PTPRQ: variants seen among roughly 807,000 people sequenced by gnomAD.
The protein encoded by PTPRQ is phosphatidylinositol phosphatase PTPRQ.
Under a neutral mutation model 246.0 loss-of-function variants are expected in PTPRQ, and 199 were observed. The observed-to-expected ratio is 0.81, with a 90% CI of 0.72 to 0.91. The LOEUF is 0.91. PTPRQ is among the 40% of genes least tolerant of loss of function. The pLI is 0.00. For synonymous variants in PTPRQ, 869 were observed against 853.2 expected (o/e 1.02, Z -0.32); for missense variants, 2,624 against 2,528.4 (o/e 1.04, Z -0.81).
intron 25 of PTPRQ, among the ~76,000 whole-genome samples, chr12:80,552,582 G>A (rs538212764): frequency 7.3e-5 from 10 of 136,992 alleles, no homozygotes; most frequent in East Asian, 2.2e-4. Context: ...AATCCAAATC[G>A]CAATGTGCAC....
At chr12:80,574,053 T>A (rs1897221219) in intron 25 of PTPRQ, among the ~76,000 whole-genome samples, 1 of 152,170 alleles carries the variant, frequency 6.6e-6, no homozygotes, top group Non-Finnish European at 1.5e-5. Flanking sequence ...CAGGTTTGCT[T>A]CATGTAGTTT....
chr12:80,484,165 C>T (rs1211390815), intron 8 of PTPRQ, among the ~76,000 whole-genome samples: 2 of 151,868 alleles, frequency 1.3e-5, no homozygotes, highest in African/African-American at 2.4e-5. Context: ...ACCACCATGC[C>T]TGGCTTATTT....
chr12:80,549,568 T>C lies in PTPRQ; in HGVS notation c.4119T>C (p.Tyr1373=), dbSNP rs1435153844. 1 of 1,551,076 alleles carries C rather than the reference T, an allele frequency of 6.4e-7. No individual in the cohort carries two copies. The highest frequency in any genetic ancestry group is 8.7e-7 in the Non-Finnish European group (1 of 1,146,616). The change falls in exon 25 of 45, where the codon TAT becomes TAC. Residue 1373 remains tyrosine, a synonymous_variant. Transcript: ENST00000644991. The part of the protein sequence containing the change: ...PKKANGIITQ[Y]MVTVERNSTK... ...AGGCAAATGGAATAATAACGCAGTATATGGTAACAGTTGAAAGGAATTCTA... is the reference window on the plus strand; with the variant it reads ...AGGCAAATGGAATAATAACGCAGTACATGGTAACAGTTGAAAGGAATTCTA...
chr12:80,587,181 G>T (rs1374381636), intron 25 of PTPRQ, among the ~76,000 whole-genome samples: 4 of 152,048 alleles, frequency 2.6e-5, no homozygotes, highest in Non-Finnish European at 4.4e-5. Flanking sequence ...GATATTTATT[G>T]AATGTTGAAT....
intron 14 of PTPRQ, among the ~76,000 whole-genome samples, chr12:80,503,538 A>G (rs1257827964): frequency 1.3e-5 from 2 of 151,830 alleles, no homozygotes; most frequent in Non-Finnish European, 2.9e-5. Context: ...TATTATTAGT[A>G]ATTTTTATAT....
At chr12:80,659,972 A>G (rs1900575107) in intron 39 of PTPRQ, among the ~76,000 whole-genome samples, 1 of 152,026 alleles carries the variant, frequency 6.6e-6, no homozygotes, top group African/African-American at 2.4e-5. Context: ...TAGCAATGAT[A>G]CTGCAGTGGC....
intron 25 of PTPRQ, chr12:80,583,944 T>C (rs1427480411): frequency 4.6e-5 from 7 of 152,184 alleles, no homozygotes; most frequent in Admixed American, 4.6e-4. Flanking sequence ...ATGTTCTGTG[T>C]TCCTTATCAT....
chr12:80,542,963 G>A (rs1896199306), intron 23 of PTPRQ, 82 bp downstream of exon 23: 2 of 945,278 alleles, frequency 2.1e-6, no homozygotes, highest in East Asian at 3.1e-5. Flanking sequence ...GAGGAAAATG[G>A]ACTACTAAAT....
chr12:80,556,663 T>C, intron 25 of PTPRQ, among the ~76,000 whole-genome samples: 1 of 152,158 alleles, frequency 6.6e-6, no homozygotes, highest in East Asian at 1.9e-4. Context: ...TGGAAATATC[T>C]TGGATGGTTA....
rs1040836313 is a variant in PTPRQ, at chr12:80,613,726, G to T, written c.5053G>T (p.Asp1685Tyr). ...QVYQALVYREDDPTAVQIHNL... is the reference protein window; with the variant it reads ...QVYQALVYREYDPTAVQIHNL... The stretch of plus-strand genomic sequence containing the variant: ...ATATCAAGCTCTGGTTTACCGAGAA[G>T]ATGATCCTACTGCTGTCCAGATTCA... The change falls in exon 29 of 45, where the codon GAT (aspartate) becomes TAT (tyrosine). Residue 1685 changes from aspartate to tyrosine, a missense_variant. By Grantham distance (160) the Asp-to-Tyr change is radical (BLOSUM62 -3). Transcript: ENST00000644991. The T allele has an allele frequency of 1.6e-5, 25 of 1,546,034 alleles. No individual in the cohort carries two copies. In the African/African-American group the frequency reaches 3.2e-4, roughly 20 times the overall value.
Position 80,542,141 on chromosome 12 carries a change from A to T in PTPRQ, c.3498A>T (p.Ser1166=), listed in dbSNP as rs1193423635. 1.3e-6 allele frequency: 2 copies of T among 1,550,864 alleles called. No homozygotes were observed. Among genetic ancestry groups the T allele is most frequent in the Non-Finnish European group, 1.7e-6 (2 of 1,146,650 alleles). ...CTTTTAAAAACCTTTCCTCTACCTC[A>T]GTTCTCTTATCATGGGATCCCCCAG... The part of the protein sequence containing the change: ...INTFKNLSST[S]VLLSWDPPVK... The change falls in exon 22 of 45, where the codon TCA becomes TCT. Residue 1166 remains serine, a synonymous_variant. Coordinates refer to ENST00000644991, the MANE Select transcript of PTPRQ (RefSeq NM_001145026.2).
rs575857456 is a variant in PTPRQ at position 80,493,357 on chromosome 12, C to A, written c.1442C>A (p.Ser481Ter). 6.5e-7 allele frequency: 1 copy of A among 1,549,974 alleles called. No individual in the cohort carries two copies. The highest frequency in any genetic ancestry group is 8.7e-7 in the Non-Finnish European group (1 of 1,145,868). The change falls in exon 10 of 45, where the codon TCG becomes TAG. Residue 481 changes from serine to a stop codon, truncating the protein, a stop_gained. Coordinates refer to ENST00000644991, the MANE Select transcript of PTPRQ (RefSeq NM_001145026.2). LOFTEE classifies it high-confidence loss of function. ...TTATATGAGGGTTCAGCAGAGATGT[C>A]GTCTGACCTTCACTCACTTGCTACA... ...VGLYEGSAEM[S>*]SDLHSLATFI...
At chr12:80,606,815 T>A (rs957524744) in intron 27 of PTPRQ, among the ~76,000 whole-genome samples, 1 of 150,918 alleles carries the variant, frequency 6.6e-6, no homozygotes, top group African/African-American at 2.4e-5. Context: ...AAGATTTTAG[T>A]ATGTAATTAG....
At chr12:80,461,397 A>G (rs953108034) in intron 6 of PTPRQ, among the ~76,000 whole-genome samples, 2 of 152,138 alleles carry the variant, frequency 1.3e-5, no homozygotes, top group African/African-American at 2.4e-5. Flanking sequence ...CAGTAATAGT[A>G]CCTTCCTTAG....
intron 8 of PTPRQ, among the ~76,000 whole-genome samples, chr12:80,478,255 C>T (rs2120573939): frequency 6.6e-6 from 1 of 151,704 alleles, no homozygotes; most frequent in Admixed American, 6.6e-5. Flanking sequence ...GGGAGGCATC[C>T]CCCAGCAGGG....
rs566325523 is a variant in PTPRQ, at chr12:80,586,858, C to A, written c.4286-1271C>A. On this transcript the variant is annotated intron_variant, in intron 25 of 44. Coordinates refer to ENST00000644991, the MANE Select transcript of PTPRQ (RefSeq NM_001145026.2). The stretch of plus-strand genomic sequence containing the variant: ...AACAGTACAACAGCTATTTATAGAG[C>A]ATTTACATTGTGTTAGGTATTGTAA... The A allele has an allele frequency of 7.2e-5, 11 of 152,230 alleles. No homozygotes were observed. In the South Asian group the frequency reaches 2.1e-3, roughly 29 times the overall value. 9.4% of individuals were successfully genotyped at this position (152,230 alleles called of 1,614,324 possible). A position where few individuals can be genotyped will look rare whatever the true frequency, so the allele number is the denominator to read the frequency against.
At chr12:80,586,199 G>T (rs1196793727) in intron 25 of PTPRQ, among the ~76,000 whole-genome samples, 2 of 151,712 alleles carry the variant, frequency 1.3e-5, no homozygotes, top group Non-Finnish European at 2.9e-5. Flanking sequence ...AAACACACAA[G>T]AAAAAAACAA....
chr12:80,550,933 C>A (rs1029374672), intron 25 of PTPRQ, among the ~76,000 whole-genome samples: 1 of 150,958 alleles, frequency 6.6e-6, no homozygotes, highest in South Asian at 2.1e-4. Context: ...ATTGATAGGC[C>A]CTCCTTCCAT....
intron 3 of PTPRQ, among the ~76,000 whole-genome samples, chr12:80,454,083 C>T (rs539579881): frequency 1.9e-5 from 2 of 103,040 alleles, no homozygotes; most frequent in Non-Finnish European, 3.7e-5. Context: ...GCGGGTGCCC[C>T]TCACCCAGCC....
Sources: allele counts gnomAD v4.1 joint callset (sites outside exome capture counted in the v4.1 genomes callset), GRCh38; gene constraint gnomAD v4.1.1; transcripts MANE v1.5; gene names NCBI Gene and HGNC (gene_info 2026-07-23, HGNC 2026-07-21).